Variants in C16orf74 observed in about 807,000 individuals in gnomAD.
C16orf74 encodes calcimembrin.
In C16orf74, 10 loss-of-function variants were observed where a neutral mutation model predicts 6.5. That is an observed-to-expected ratio of 1.54 (90% CI 0.95 to 2.61). The LOEUF (loss-of-function observed/expected upper bound fraction) is 2.61, where lower values mean the gene tolerates loss of function less well. Among genes scored for constraint, C16orf74 ranks in the 30% most tolerant of loss-of-function variants. The pLI is 0.00. For missense variants in C16orf74, 141 were observed against 105.9 expected (o/e 1.33, Z -1.45); for synonymous variants, 60 against 42.5 (o/e 1.41, Z -1.60).
At chr16:85,711,623 CA>C (rs57336507) in intron 2 of C16orf74, among the ~76,000 whole-genome samples, 53,930 of 108,558 alleles carry the variant, frequency 0.5, 12,420 homozygotes, top group East Asian at 0.65. Context: ...AACTCTGTCT[CA>C]AAAAAAAAAA....
intron 2 of C16orf74, among the ~76,000 whole-genome samples, chr16:85,719,761 C>A (rs1159828304): frequency 2.0e-5 from 3 of 151,950 alleles, no homozygotes; most frequent in African/African-American, 7.3e-5. Flanking sequence ...CCACAGCACA[C>A]ACAAAGGCCC....
intron 3 of C16orf74, among the ~76,000 whole-genome samples, chr16:85,708,449 G>A (rs973963781): frequency 5.3e-5 from 8 of 152,138 alleles, no homozygotes; most frequent in African/African-American, 7.2e-5. Flanking sequence ...GCCTCTGTCC[G>A]CCCACACTGG....
intron 1 of C16orf74, among the ~76,000 whole-genome samples, chr16:85,750,562 G>T (rs1567816443): frequency 6.6e-6 from 1 of 152,240 alleles, no homozygotes; most frequent in Admixed American, 6.5e-5. Context: ...CCCCCGCCGG[G>T]CTGCCTTCCA....
intron 2 of C16orf74, among the ~76,000 whole-genome samples, chr16:85,724,359 C>T (rs2054111918): frequency 6.6e-6 from 1 of 152,176 alleles, no homozygotes; most frequent in African/African-American, 2.4e-5. Context: ...CCTAAGGAAA[C>T]TGCAGGGAAC....
At chr16:85,746,490 G>C (rs2054374682) in intron 1 of C16orf74, among the ~76,000 whole-genome samples, 1 of 152,216 alleles carries the variant, frequency 6.6e-6, no homozygotes, top group Admixed American at 6.5e-5. Flanking sequence ...TGGAGAACTA[G>C]ACAGGGAAAG....
At chr16:85,735,624 GC>G (rs1305583261) in intron 1 of C16orf74, among the ~76,000 whole-genome samples, 2 of 152,012 alleles carry the variant, frequency 1.3e-5, no homozygotes, top group Non-Finnish European at 2.9e-5. Flanking sequence ...GTGAAGACCT[GC>G]CAGCAGGGCT....
intron 2 of C16orf74, among the ~76,000 whole-genome samples, chr16:85,727,467 A>G (rs1435965548): frequency 6.6e-6 from 1 of 152,194 alleles, no homozygotes; most frequent in African/African-American, 2.4e-5. Flanking sequence ...GGATCCTGCG[A>G]CAGAAAAAAT....
intron 2 of C16orf74, among the ~76,000 whole-genome samples, chr16:85,726,745 CT>C (rs2054137385): frequency 6.6e-6 from 1 of 152,168 alleles, no homozygotes; most frequent in South Asian, 2.1e-4. Flanking sequence ...TTTCACAGAG[CT>C]CCTGTCCCCA....
At chr16:85,737,941 C>T (rs1025768989) in intron 1 of C16orf74, among the ~76,000 whole-genome samples, 1 of 148,864 alleles carries the variant, frequency 6.7e-6, no homozygotes, top group African/African-American at 2.5e-5. Context: ...TTTCTTAAAA[C>T]ATTATGAATT....
intron 3 of C16orf74, among the ~76,000 whole-genome samples, chr16:85,708,876 C>A (rs1415671747): frequency 6.6e-6 from 1 of 152,202 alleles, no homozygotes; most frequent in African/African-American, 2.4e-5. Context: ...GGTGCCTTGT[C>A]CCCTGCATGG....
chr16:85,723,349 G>A (rs2432412), intron 2 of C16orf74, among the ~76,000 whole-genome samples: 160 of 151,204 alleles, frequency 1.1e-3, no homozygotes, highest in Non-Finnish European at 1.8e-3. Context: ...GACAACTTGA[G>A]GCCAGCCAGG....
intron 2 of C16orf74, among the ~76,000 whole-genome samples, chr16:85,711,340 C>T (rs1367808932): frequency 7.2e-6 from 1 of 139,740 alleles, no homozygotes; most frequent in African/African-American, 2.7e-5. Flanking sequence ...AAAGGCTGGG[C>T]GTGGTGGCTC....
At chr16:85,714,208 G>A (rs892167833) in intron 2 of C16orf74, among the ~76,000 whole-genome samples, 13 of 151,938 alleles carry the variant, frequency 8.6e-5, no homozygotes, top group South Asian at 2.1e-4. Flanking sequence ...TGGGACACAC[G>A]GCTGGTGTGA....
intron 2 of C16orf74, among the ~76,000 whole-genome samples, chr16:85,729,210 C>G (rs2054163808): frequency 6.6e-6 from 1 of 152,236 alleles, no homozygotes; most frequent in African/African-American, 2.4e-5. Context: ...TGTGCCTCAG[C>G]CTCCCTGTCT....
chr16:85,734,742 C>T (rs2054225824), intron 2 of C16orf74, among the ~76,000 whole-genome samples: 1 of 152,218 alleles, frequency 6.6e-6, no homozygotes, highest in Non-Finnish European at 1.5e-5. Context: ...ACCCACAACA[C>T]CCTTCAGTGG....
At chr16:85,732,307 G>C (rs1027544413) in intron 2 of C16orf74, among the ~76,000 whole-genome samples, 1 of 152,166 alleles carries the variant, frequency 6.6e-6, no homozygotes, top group South Asian at 2.1e-4. Flanking sequence ...ATCTCTTACG[G>C]CAGCCCTAGG....
At chr16:85,717,302 G>C (rs572515582) in intron 2 of C16orf74, among the ~76,000 whole-genome samples, 2 of 152,228 alleles carry the variant, frequency 1.3e-5, no homozygotes, top group African/African-American at 4.8e-5. Context: ...GATCACCTGG[G>C]AAGTTAACAT....
At chr16:85,746,870 A>T (rs1212357359) in intron 1 of C16orf74, among the ~76,000 whole-genome samples, 1 of 152,208 alleles carries the variant, frequency 6.6e-6, no homozygotes, top group African/African-American at 2.4e-5. Flanking sequence ...GCAGGATTAG[A>T]ATTCCTACAA....
At chr16:85,718,603 C>T (rs1403166518) in intron 2 of C16orf74, among the ~76,000 whole-genome samples, 2 of 152,208 alleles carry the variant, frequency 1.3e-5, no homozygotes, top group Non-Finnish European at 2.9e-5. Flanking sequence ...AATAACAGTG[C>T]CCAGGTCCGG....
Sources: allele counts gnomAD v4.1 joint callset (sites outside exome capture counted in the v4.1 genomes callset), GRCh38; gene constraint gnomAD v4.1.1; transcripts MANE v1.5; gene names NCBI Gene and HGNC (gene_info 2026-07-23, HGNC 2026-07-21).